The following PCDH15 variants were observed in gnomAD, a reference collection of about 807,000 sequenced individuals.
The protein encoded by PCDH15 is protocadherin related 15.
PCDH15 carries 129 observed loss-of-function variants against 178.5 expected under a neutral mutation model. That is an observed-to-expected ratio of 0.72 (90% CI 0.63 to 0.84). The LOEUF is 0.84. Ranked by LOEUF, PCDH15 falls within the 40% of genes least tolerant of loss-of-function variation. The probability of loss-of-function intolerance (pLI) is 0.00; values close to 1 mark genes in which losing one functional copy is unlikely to be tolerated. For synonymous variants in PCDH15, 800 were observed against 732.0 expected, an observed-to-expected ratio of 1.09 and a Z score of -1.50; for missense variants, 2,230 against 2,099.9, an observed-to-expected ratio of 1.06 and a Z score of -1.21.
intron 1 of PCDH15, among the ~76,000 whole-genome samples, chr10:54,725,146 C>T (rs546248053): frequency 5.9e-5 from 9 of 151,362 alleles, no homozygotes; most frequent in Non-Finnish European, 1.2e-4. Context: ...GTTCATGAGC[C>T]ATTCTGAAAA....
At chr10:55,477,192 A>G in intron 2 of PCDH15, among the ~76,000 whole-genome samples, 2 of 151,914 alleles carry the variant, frequency 1.3e-5, no homozygotes, top group East Asian at 1.9e-4. Flanking sequence ...TTTGGGCATG[A>G]ATATCTTTTT....
intron 2 of PCDH15, among the ~76,000 whole-genome samples, chr10:55,525,053 A>C (rs1841272918): frequency 6.6e-6 from 1 of 151,744 alleles, no homozygotes; most frequent in South Asian, 2.1e-4. Flanking sequence ...ATTGCTTTAA[A>C]ATTACTTTTA....
At chr10:54,958,471 T>C (rs1405310021) in intron 2 of PCDH15, among the ~76,000 whole-genome samples, 2 of 151,656 alleles carry the variant, frequency 1.3e-5, no homozygotes, top group African/African-American at 4.8e-5. Context: ...AAACCCAAAA[T>C]AATGAAAGAG....
At chr10:53,882,092 C>T (rs997086838) in intron 26 of PCDH15, among the ~76,000 whole-genome samples, 17 of 150,650 alleles carry the variant, frequency 1.1e-4, no homozygotes, top group African/African-American at 4.2e-4. Context: ...TGAGTTGAAG[C>T]AATTCTCCTC....
chr10:55,075,995 A>C (rs1841876527), intron 2 of PCDH15, among the ~76,000 whole-genome samples: 1 of 152,180 alleles, frequency 6.6e-6, no homozygotes, highest in Non-Finnish European at 1.5e-5. Context: ...ATATTGAACC[A>C]GTGGTCACTC....
intron 3 of PCDH15, among the ~76,000 whole-genome samples, chr10:54,503,564 A>G (rs1490687722): frequency 3.3e-5 from 5 of 151,818 alleles, no homozygotes; most frequent in Admixed American, 6.6e-5. Flanking sequence ...CTTGACTCAC[A>G]TAGCTGTACT....
At chr10:55,376,776 T>G (rs1837403309) in intron 2 of PCDH15, among the ~76,000 whole-genome samples, 1 of 152,036 alleles carries the variant, frequency 6.6e-6, no homozygotes, top group Non-Finnish European at 1.5e-5. Flanking sequence ...AACTCTGAAA[T>G]ATGTAGATCC....
chr10:55,208,611 A>T (rs1297582009), intron 1 of PCDH15, among the ~76,000 whole-genome samples: 1 of 152,024 alleles, frequency 6.6e-6, no homozygotes, highest in Non-Finnish European at 1.5e-5. Flanking sequence ...TCTCACTTAT[A>T]TAGATGTAGG....
intron 2 of PCDH15, among the ~76,000 whole-genome samples, chr10:55,457,548 G>T (rs1839580946): frequency 6.6e-6 from 1 of 152,034 alleles, no homozygotes; most frequent in African/African-American, 2.4e-5. Flanking sequence ...GCAATCTGCT[G>T]TGGGTATCCA....
intron 2 of PCDH15, among the ~76,000 whole-genome samples, chr10:54,582,211 A>C (rs1240905730): frequency 6.6e-6 from 1 of 152,174 alleles, no homozygotes; most frequent in African/African-American, 2.4e-5. Flanking sequence ...CCCAGAATCT[A>C]TAAAAAACTT....
chr10:54,070,102 A>G (rs777629839), intron 17 of PCDH15, among the ~76,000 whole-genome samples: 3 of 152,216 alleles, frequency 2.0e-5, no homozygotes, highest in Non-Finnish European at 4.4e-5. Flanking sequence ...TTTCATGTTC[A>G]TTATTTAATT....
At chr10:54,498,563 C>G (rs2080345578) in intron 3 of PCDH15, among the ~76,000 whole-genome samples, 1 of 151,918 alleles carries the variant, frequency 6.6e-6, no homozygotes, top group Non-Finnish European at 1.5e-5. Flanking sequence ...TGCAATGAAA[C>G]CCATAGGCTC....
rs750009006 is a variant in PCDH15 at position 54,153,293 on chromosome 10, G to A, written c.1591C>T (p.Leu531Phe). ...DMRPGDSVIQ[L>F]TAVDADEGSN... The stretch of plus-strand genomic sequence containing the variant: ...CCTTCGTCTGCGTCGACTGCAGTGA[G>A]CTGGAATTGAAAATCACAACATAAA... The change falls in exon 14 of 38, where the codon CTC becomes TTC. Residue 531 changes from leucine (L) to phenylalanine (F), a missense_variant and splice_region_variant. By Grantham distance (22) the Leu-to-Phe change is conservative (BLOSUM62 0). Coordinates refer to ENST00000644397, the MANE Select transcript of PCDH15 (RefSeq NM_001384140.1). 4.4e-5 allele frequency: 71 copies of A among 1,613,542 alleles called. No homozygotes were observed. The East Asian group carries it at 1.4e-3, about 33-fold the overall frequency.
chr10:54,359,268 A>AG (rs1945591813), intron 5 of PCDH15, among the ~76,000 whole-genome samples: 1 of 144,996 alleles, frequency 6.9e-6, no homozygotes, highest in African/African-American at 2.7e-5. Context: ...TTAAAAAACT[A>AG]AAAAAAAACA....
At chr10:54,368,615 T>G (rs1947158123) in intron 5 of PCDH15, among the ~76,000 whole-genome samples, 2 of 152,192 alleles carry the variant, frequency 1.3e-5, no homozygotes, top group Admixed American at 6.6e-5. Flanking sequence ...ATATAATTTT[T>G]CTAATTTGAT....
intron 3 of PCDH15, among the ~76,000 whole-genome samples, chr10:54,402,368 G>A (rs1348650135): frequency 1.3e-5 from 2 of 151,822 alleles, no homozygotes; most frequent in South Asian, 2.1e-4. Context: ...ATAAAGCAAG[G>A]ATCAATGACA....
At chr10:54,542,315 A>C (rs989760842) in intron 2 of PCDH15, among the ~76,000 whole-genome samples, 1 of 152,230 alleles carries the variant, frequency 6.6e-6, no homozygotes, top group African/African-American at 2.4e-5. Context: ...AGTACTTCGT[A>C]TCACTGGCTG....
intron 2 of PCDH15, among the ~76,000 whole-genome samples, chr10:55,159,365 C>A (rs1405269439): frequency 0.12 from 2,134 of 17,090 alleles, 20 homozygotes; most frequent in Middle Eastern, 0.46. Context: ...ATCTATCTAT[C>A]TATCTATATA....
At position 54,222,250 on chromosome 10, in the gene PCDH15, T is replaced by A. The variant is rs181210219; in HGVS notation, c.986-8202A>T. Among the ~76,000 whole-genome samples the A allele has an allele frequency of 2.0e-5, 3 of 152,240 alleles. No individual in the cohort carries two copies. In the South Asian group the frequency reaches 6.2e-4, roughly 31 times the overall value. On this transcript the variant is annotated intron_variant, in intron 9 of 37. Transcript: ENST00000644397. Reference sequence around the variant, plus strand: ...ATTTTTGGGCAGGGAACAAGTCTGTTAATTTTCAGTTACGTATAGGTTTGT... The same window carrying A: ...ATTTTTGGGCAGGGAACAAGTCTGTAAATTTTCAGTTACGTATAGGTTTGT...
Sources: gnomAD v4.1 joint callset for allele counts (sites outside exome capture counted in the v4.1 genomes callset) on GRCh38, gnomAD v4.1.1 for gene constraint, MANE v1.5 for transcripts, NCBI Gene and HGNC (gene_info 2026-07-23, HGNC 2026-07-21) for gene names.